The following TOP6BL variants were observed in gnomAD, a reference collection of about 807,000 sequenced individuals.
TOP6BL encodes the protein TOP6B like initiator of meiotic double strand breaks.
the TOP6BL span, chr11:66,801,124 G>A: frequency 1.9e-6 from 3 of 1,603,156 alleles, no homozygotes; most frequent in Non-Finnish European, 2.6e-6. Flanking sequence ...AAGCCTTGTT[G>A]TCCCTCTGCA....
the TOP6BL span, among the ~76,000 whole-genome samples, chr11:66,773,763 G>A: frequency 6.6e-6 from 1 of 152,082 alleles, no homozygotes; most frequent in Non-Finnish European, 1.5e-5. Flanking sequence ...TTGAGACAGA[G>A]TCTCGCTCTG....
At chr11:66,834,363 A>G in the TOP6BL span, among the ~76,000 whole-genome samples, 2 of 152,330 alleles carry the variant, frequency 1.3e-5, no homozygotes, top group East Asian at 3.9e-4. Flanking sequence ...AGTAGAACCC[A>G]TGATTCTCCA....
chr11:66,842,889 C>T, the TOP6BL span: 1 of 1,573,268 alleles, frequency 6.4e-7, no homozygotes, highest in Non-Finnish European at 8.6e-7. Context: ...TCAAGAGGGG[C>T]AGCCCCCGCA....
chr11:66,843,089 G>A, the TOP6BL span: 1 of 1,586,248 alleles, frequency 6.3e-7, no homozygotes, highest in Non-Finnish European at 8.6e-7. Flanking sequence ...CGAGGGCCGC[G>A]CAGGGAAGGG....
the TOP6BL span, chr11:66,838,592 T>A: frequency 1.5e-6 from 1 of 673,520 alleles, no homozygotes; most frequent in South Asian, 1.8e-5. Flanking sequence ...ACTGTGGGTC[T>A]TCAAGGCAGC....
the TOP6BL span, chr11:66,803,896 G>C: frequency 1.1e-6 from 1 of 912,060 alleles, no homozygotes; most frequent in Non-Finnish European, 1.7e-6. Context: ...TTGTGTGGTT[G>C]TACATATGCT....
At chr11:66,829,724 CA>C in the TOP6BL span, among the ~76,000 whole-genome samples, 4 of 151,524 alleles carry the variant, frequency 2.6e-5, no homozygotes, top group African/African-American at 9.7e-5. Context: ...CCCATCTCTA[CA>C]AAAAAATAGA....
the TOP6BL span, among the ~76,000 whole-genome samples, chr11:66,815,379 C>T: frequency 6.6e-6 from 1 of 152,128 alleles, no homozygotes; most frequent in Non-Finnish European, 1.5e-5. Context: ...CTACATGGAT[C>T]TGAAATATGG....
chr11:66,816,013 T>C, the TOP6BL span: 2 of 1,539,542 alleles, frequency 1.3e-6, no homozygotes, highest in Non-Finnish European at 1.8e-6. Flanking sequence ...TTCAAGAGCT[T>C]TACTTATCTT....
chr11:66,793,611 A>G, the TOP6BL span, among the ~76,000 whole-genome samples: 21 of 148,282 alleles, frequency 1.4e-4, no homozygotes, highest in Non-Finnish European at 3.0e-5. Flanking sequence ...CTCCAGGCTA[A>G]TTTTTGTATT....
chr11:66,825,364 G>A, the TOP6BL span, among the ~76,000 whole-genome samples: 8 of 151,106 alleles, frequency 5.3e-5, no homozygotes, highest in East Asian at 3.9e-4. Flanking sequence ...GGTGGCAGGC[G>A]CCTGTAATCC....
the TOP6BL span, chr11:66,744,975 T>C: frequency 1.6e-6 from 2 of 1,238,892 alleles, no homozygotes; most frequent in Non-Finnish European, 2.0e-6. Flanking sequence ...ACGGGCTTTG[T>C]GAGGAGACCG....
chr11:66,840,315 G>A, the TOP6BL span, among the ~76,000 whole-genome samples: 5 of 152,000 alleles, frequency 3.3e-5, no homozygotes, highest in South Asian at 2.1e-4. Context: ...TCATACTTAC[G>A]GATCTCTTTT....
the TOP6BL span, among the ~76,000 whole-genome samples, chr11:66,834,500 C>A: frequency 6.6e-6 from 1 of 152,102 alleles, no homozygotes; most frequent in African/African-American, 2.4e-5. Context: ...GACCTCTGGG[C>A]CATTCTGTTT....
the TOP6BL span, chr11:66,843,393 G>A: frequency 7.0e-7 from 1 of 1,428,602 alleles, no homozygotes; most frequent in Non-Finnish European, 9.1e-7. Context: ...CCGCGCCGCG[G>A]CCTGACGTCA....
the TOP6BL span, among the ~76,000 whole-genome samples, chr11:66,767,799 T>C: frequency 6.6e-6 from 1 of 152,164 alleles, no homozygotes; most frequent in Non-Finnish European, 1.5e-5. Context: ...GTTCATTGTT[T>C]TGTTTTTTGG....
the TOP6BL span, among the ~76,000 whole-genome samples, chr11:66,838,138 CAG>C: frequency 1.3e-5 from 2 of 152,094 alleles, no homozygotes; most frequent in African/African-American, 4.8e-5. Flanking sequence ...GACTGGAGCT[CAG>C]AGAAGAAAGG....
chr11:66,747,615 G>T, the TOP6BL span, among the ~76,000 whole-genome samples: 1 of 152,022 alleles, frequency 6.6e-6, no homozygotes, highest in African/African-American at 2.4e-5. Flanking sequence ...TAAGTAATTT[G>T]CCCAAGGTCA....
At chr11:66,758,003 T>C in the TOP6BL span, 1 of 387,872 alleles carries the variant, frequency 2.6e-6, no homozygotes, top group African/African-American at 2.2e-5. Flanking sequence ...GTTCCGTGAT[T>C]CTCAACCTTA....
Sources: allele counts gnomAD v4.1 joint callset (sites outside exome capture counted in the v4.1 genomes callset), GRCh38; gene constraint gnomAD v4.1.1; transcripts MANE v1.5; gene names NCBI Gene and HGNC (gene_info 2026-07-23, HGNC 2026-07-21).